Variants in ERBIN observed in about 807,000 individuals in gnomAD.
ERBIN encodes the protein erbb2 interacting protein.
Under a neutral mutation model 158.4 loss-of-function variants are expected in ERBIN, and 60 were observed. The observed-to-expected ratio is 0.38, with a 90% CI of 0.31 to 0.47. The LOEUF (loss-of-function observed/expected upper bound fraction) is 0.47. Among genes scored for constraint, ERBIN ranks in the 20% least tolerant of loss-of-function variants. The probability of loss-of-function intolerance (pLI) is 0.99; values close to 1 mark genes in which losing one functional copy is unlikely to be tolerated. For missense variants in ERBIN, 1,610 were observed against 1,648.0 expected (o/e 0.98, Z 0.40); for synonymous variants, 594 against 557.2 (o/e 1.07, Z -0.93).
intron 1 of ERBIN, among the ~76,000 whole-genome samples, chr5:65,937,646 T>C (rs928155205): frequency 6.6e-6 from 1 of 152,158 alleles, no homozygotes; most frequent in East Asian, 1.9e-4. Flanking sequence ...CGGTGGCTCA[T>C]GCCTGTAATC....
At chr5:66,043,859 C>T (rs970157603) in intron 16 of ERBIN, among the ~76,000 whole-genome samples, 2 of 152,092 alleles carry the variant, frequency 1.3e-5, no homozygotes, top group Non-Finnish European at 2.9e-5. Context: ...AGCTAAGTGA[C>T]ACAATTTTTG....
chr5:66,048,357 TATGGTTGAA>T (rs1242188092), intron 18 of ERBIN, among the ~76,000 whole-genome samples: 2 of 151,862 alleles, frequency 1.3e-5, no homozygotes, highest in African/African-American at 4.8e-5. Flanking sequence ...TAGAGCTATA[TATGGTTGAA>T]AGTTACTATA....
intron 1 of ERBIN, among the ~76,000 whole-genome samples, chr5:65,974,190 A>G (rs138184053): frequency 1.5e-4 from 23 of 152,138 alleles, no homozygotes; most frequent in African/African-American, 5.1e-4. Context: ...CCATATGTAT[A>G]TAAGTGTTTT....
chr5:66,017,999 C>A (rs1279987480), intron 7 of ERBIN, among the ~76,000 whole-genome samples: 1 of 151,968 alleles, frequency 6.6e-6, no homozygotes, highest in Non-Finnish European at 1.5e-5. Flanking sequence ...GCTGTAAATG[C>A]ATGGATTTAT....
At chr5:66,060,053 A>C (rs554951925) in intron 21 of ERBIN, among the ~76,000 whole-genome samples, 46 of 152,344 alleles carry the variant, frequency 3.0e-4, no homozygotes, top group South Asian at 1.0e-3. Flanking sequence ...CTGGCCTCAT[A>C]AAATGAGTTA....
At chr5:66,074,320 A>C (rs994855095) in intron 22 of ERBIN, among the ~76,000 whole-genome samples, 3 of 152,130 alleles carry the variant, frequency 2.0e-5, no homozygotes, top group African/African-American at 7.2e-5. Flanking sequence ...CTCTAACAAC[A>C]ACAAACTAAT....
At chr5:65,990,337 TTATC>T (rs1751728280) in intron 2 of ERBIN, among the ~76,000 whole-genome samples, 1 of 152,178 alleles carries the variant, frequency 6.6e-6, no homozygotes, top group African/African-American at 2.4e-5. Context: ...TGCATATAGT[TTATC>T]TAAAGAACTT....
rs76856052 is a variant in ERBIN, at chr5:66,013,723, A to G, written c.476+85A>G. 506 of 803,196 alleles carry G rather than the reference A, an allele frequency of 6.3e-4. 2 individuals are homozygous for G. The African/African-American group carries it at 7.6e-3, about 12-fold the overall frequency. The allele number at this position is 803,196 out of a possible 1,614,324, so 49.8% of individuals were successfully genotyped here. Reference sequence around the variant, plus strand: ...ATAAGCTGCTTTGGTAGTACTACTCATTACAGTTTCATAGGCTCTTTTTAA... The same window carrying G: ...ATAAGCTGCTTTGGTAGTACTACTCGTTACAGTTTCATAGGCTCTTTTTAA... On this transcript the variant is annotated intron_variant, in intron 6 of 25. Coordinates refer to ENST00000284037, the MANE Select transcript of ERBIN (RefSeq NM_001253697.2).
intron 17 of ERBIN, among the ~76,000 whole-genome samples, chr5:66,045,439 G>A (rs980175845): frequency 4.1e-5 from 6 of 145,842 alleles, no homozygotes; most frequent in Non-Finnish European, 8.8e-5. Flanking sequence ...ATATGTATAT[G>A]TATATGTATG....
intron 17 of ERBIN, among the ~76,000 whole-genome samples, chr5:66,045,695 A>T (rs1758369048): frequency 6.6e-6 from 1 of 152,206 alleles, no homozygotes; most frequent in Middle Eastern, 3.2e-3. Context: ...TACTATCATT[A>T]CCACTCTGGC....
chr5:65,993,513 T>A (rs1752105455), intron 3 of ERBIN, among the ~76,000 whole-genome samples: 1 of 151,584 alleles, frequency 6.6e-6, no homozygotes. Flanking sequence ...AGTGTACTTT[T>A]TCTTCTTAAA....
intron 1 of ERBIN, among the ~76,000 whole-genome samples, chr5:65,956,715 A>T (rs1176964165): frequency 6.6e-6 from 1 of 151,826 alleles, no homozygotes; most frequent in Non-Finnish European, 1.5e-5. Context: ...TCAACCTTCA[A>T]AACAAAAAGT....
At chr5:65,990,119 G>T (rs1344006172) in intron 2 of ERBIN, among the ~76,000 whole-genome samples, 1 of 152,168 alleles carries the variant, frequency 6.6e-6, no homozygotes, top group Non-Finnish European at 1.5e-5. Flanking sequence ...TTTAATGTTT[G>T]ACATCTGAGT....
intron 1 of ERBIN, among the ~76,000 whole-genome samples, chr5:65,958,648 G>C (rs531604063): frequency 6.6e-6 from 1 of 150,930 alleles, no homozygotes; most frequent in South Asian, 2.1e-4. Context: ...GGGAGAGAGA[G>C]GGAGACCGTG....
At chr5:66,010,819 A>G (rs529912158) in intron 4 of ERBIN, among the ~76,000 whole-genome samples, 32 of 152,308 alleles carry the variant, frequency 2.1e-4, no homozygotes, top group African/African-American at 7.7e-4. Context: ...CCTTTAGTCT[A>G]GATTAGAACA....
At chr5:65,948,476 C>T (rs548374757) in intron 1 of ERBIN, among the ~76,000 whole-genome samples, 7 of 152,038 alleles carry the variant, frequency 4.6e-5, no homozygotes, top group Admixed American at 1.3e-4. Flanking sequence ...CTGCATCCAG[C>T]TGGTTTTTTT....
intron 4 of ERBIN, among the ~76,000 whole-genome samples, chr5:65,998,098 G>T (rs1371581860): frequency 6.6e-6 from 1 of 151,810 alleles, no homozygotes; most frequent in African/African-American, 2.4e-5. Context: ...GTGGTGGCAC[G>T]TGCCTGTAGT....
At chr5:66,034,521 A>G (rs1168463767) in intron 14 of ERBIN, among the ~76,000 whole-genome samples, 3 of 151,768 alleles carry the variant, frequency 2.0e-5, no homozygotes, top group Non-Finnish European at 4.4e-5. Context: ...TCCTGACTTC[A>G]TGTGATCCAC....
chr5:66,031,217 A>G (rs2151169897), intron 14 of ERBIN, among the ~76,000 whole-genome samples: 1 of 152,356 alleles, frequency 6.6e-6, no homozygotes. Flanking sequence ...TTTAATGTTT[A>G]TGAAAATAAA....
Sources: allele counts gnomAD v4.1 joint callset (sites outside exome capture counted in the v4.1 genomes callset), GRCh38; gene constraint gnomAD v4.1.1; transcripts MANE v1.5; gene names NCBI Gene and HGNC (gene_info 2026-07-23, HGNC 2026-07-21).